The following FTH1 variants were observed in gnomAD, a reference collection of about 807,000 sequenced individuals.
FTH1 encodes ferritin heavy chain 1, also known as ferritin heavy chain.
Under a neutral mutation model 21.8 loss-of-function variants are expected in FTH1, and 3 were observed. That is an observed-to-expected ratio of 0.14 (90% CI 0.06 to 0.36). The LOEUF (loss-of-function observed/expected upper bound fraction) is 0.36, where lower values mean the gene tolerates loss of function less well. Ranked by LOEUF, FTH1 falls within the 10% of genes least tolerant of loss-of-function variation. FTH1 has a pLI of 1.00. For missense variants in FTH1, 147 were observed against 225.8 expected (o/e 0.65, Z 2.24); for synonymous variants, 83 against 90.1 (o/e 0.92, Z 0.45).
chr11:61,965,841 T>C (rs1192869693), intron 1 of FTH1, among the ~76,000 whole-genome samples: 1 of 152,182 alleles, frequency 6.6e-6, no homozygotes, highest in Non-Finnish European at 1.5e-5. Flanking sequence ...GTGTCAGAAT[T>C]CATTGTCTGA....
chr11:61,964,569 T>TA lies in FTH1; in HGVS notation c.*157dup, dbSNP rs1328211190. On this transcript the variant is annotated 3_prime_UTR_variant, in exon 4 of 4. Coordinates refer to ENST00000273550, the MANE Select transcript of FTH1 (RefSeq NM_002032.3). The stretch of plus-strand genomic sequence containing the variant: ...CAAGACCTCAAAGACAACACCTGGG[T>TA]ACCAAATTTCTTTATTTGAAGGAAT... The TA allele has an allele frequency of 2.4e-6, 2 of 845,628 alleles. No individual in the cohort carries two copies. The highest frequency in any genetic ancestry group is 3.8e-6 in the Non-Finnish European group (2 of 531,644). 52.4% of individuals were successfully genotyped at this position (845,628 alleles called of 1,614,324 possible). A position where few individuals can be genotyped will look rare whatever the true frequency, so the allele number is the denominator to read the frequency against.
rs201120647 is a variant in FTH1 at position 61,964,975 on chromosome 11, T to C, written c.387+12A>G. On this transcript the variant is annotated intron_variant, in intron 3 of 3. Transcript: ENST00000273550. ...ATTTCCTCCATTTATTTCCTGGGGT[T>C]CCAATACTCACATGGGGGTCATTTT... 428 of 1,614,136 alleles carry C rather than the reference T, an allele frequency of 2.7e-4. 3 individuals carry two copies. The East Asian group carries it at 9.0e-3, about 34-fold the overall frequency.
chr11:61,964,686 A>C lies in FTH1; in HGVS notation c.*41T>G. 6.3e-7 allele frequency: 1 copy of C among 1,590,840 alleles called. No individual in the cohort carries two copies. Among genetic ancestry groups the C allele is most frequent in the South Asian group, 1.1e-5 (1 of 90,842 alleles). On this transcript the variant is annotated 3_prime_UTR_variant, in exon 4 of 4. Transcript: ENST00000273550. Reference sequence around the variant, plus strand: ...ACATGCATGCACTGCCTTGGTGACCAGGGAAGTCACCCCACGGCTATGGGG... The same window carrying C: ...ACATGCATGCACTGCCTTGGTGACCCGGGAAGTCACCCCACGGCTATGGGG...
intron 1 of FTH1, among the ~76,000 whole-genome samples, chr11:61,966,631 T>C (rs996617270): frequency 6.6e-6 from 1 of 152,072 alleles, no homozygotes; most frequent in Non-Finnish European, 1.5e-5. Context: ...GGGGGTTCAA[T>C]TAGTAGGCCA....
Position 61,964,365 on chromosome 11 carries a change from T to A in FTH1, c.*362A>T, listed in dbSNP as rs1591319339. Reference sequence around the variant, plus strand: ...GGAAACATTTAACTCAGACTCTGGATTCAGAGTCGGGAACCCTTAGTTCTA... The same window carrying A: ...GGAAACATTTAACTCAGACTCTGGAATCAGAGTCGGGAACCCTTAGTTCTA... On this transcript the variant is annotated 3_prime_UTR_variant, in exon 4 of 4. Transcript: ENST00000273550. 1.3e-6 allele frequency: 1 copy of A among 792,532 alleles called. No individual in the cohort carries two copies. Among genetic ancestry groups the A allele is most frequent in the South Asian group, 1.8e-5 (1 of 54,402 alleles). The allele number at this position is 792,532 out of a possible 1,614,324, so 49.1% of individuals were successfully genotyped here.
intron 1 of FTH1, 135 bp from the exon 2 acceptor site, chr11:61,965,650 T>C: frequency 1.1e-6 from 1 of 903,360 alleles, no homozygotes; most frequent in Non-Finnish European, 1.8e-6. Context: ...AATCAGTGCC[T>C]AAGGAGACTG....
At position 61,967,507 on chromosome 11, in the gene FTH1, G is replaced by A. The variant is rs1321237501; in HGVS notation, c.-82C>T. ...CGGCGGGGGCCTTGGGGCAGTCCGA[G>A]GGTGCGGTGAAGAGGTGACGGAGGG... On this transcript the variant is annotated 5_prime_UTR_variant, in exon 1 of 4. Transcript: ENST00000273550. 1 of 969,070 alleles carries A rather than the reference G, an allele frequency of 1.0e-6. No individual in the cohort carries two copies. Among genetic ancestry groups the A allele is most frequent in the East Asian group, 2.6e-5 (1 of 37,898 alleles). 60.0% of individuals were successfully genotyped at this position (969,070 alleles called of 1,614,324 possible).
At position 61,966,517 on chromosome 11, in the gene FTH1, G is replaced by A. The variant is rs1243112591; in HGVS notation, c.114+795C>T. Among the ~76,000 whole-genome samples, 96 of 152,104 alleles carry A rather than the reference G, an allele frequency of 6.3e-4. 1 individual carries two copies. The highest frequency in any genetic ancestry group is 4.4e-5 in the Non-Finnish European group (3 of 68,028). On this transcript the variant is annotated intron_variant, in intron 1 of 3. Coordinates refer to ENST00000273550, the MANE Select transcript of FTH1 (RefSeq NM_002032.3). ...ACAATCACAAGGCAATTCTAAGGAA[G>A]ACTCCCACGACACTGCCTAAGACCA...
intron 3 of FTH1, 30 bp from the exon 4 acceptor site, chr11:61,964,921 G>A (rs373899527): frequency 1.2e-6 from 2 of 1,613,146 alleles, no homozygotes; most frequent in Non-Finnish European, 1.7e-6. Context: ...ACAGTTAGTG[G>A]GCAGCTTTCC....
chr11:61,965,099 T>C lies in FTH1; in HGVS notation c.275A>G (p.Asp92Gly). 1 of 1,605,506 alleles carries C rather than the reference T, an allele frequency of 6.2e-7. No homozygotes were observed. Among genetic ancestry groups the C allele is most frequent in the Non-Finnish European group, 8.5e-7 (1 of 1,179,988 alleles). ...TGCATTCAGCCCGCTCTCCCAGTCA[T>C]CACAGTCTGGTTTCTGAATGAGAAT... is the stretch of plus-strand genomic sequence containing the variant. ...FLQDIKKPDC[D>G]DWESGLNAME... Residue 92 changes from aspartate to glycine, a missense_variant, in exon 3 of 4, where the codon GAT (aspartate) becomes GGT (glycine). Physicochemically the swap from Asp to Gly is moderately conservative, Grantham distance 94. Coordinates refer to ENST00000273550, the MANE Select transcript of FTH1 (RefSeq NM_002032.3).
At chr11:61,967,272 C>T in intron 1 of FTH1, 40 bp downstream of exon 1, 1 of 1,376,842 alleles carries the variant, frequency 7.3e-7, no homozygotes, top group Non-Finnish European at 9.9e-7. Context: ...CCGGGAACCG[C>T]GCCCGGCCCC....
chr11:61,965,318 C>G (rs1591321197), intron 2 of FTH1, 51 bp downstream of exon 2: 1 of 1,610,968 alleles, frequency 6.2e-7, no homozygotes, highest in South Asian at 1.1e-5. Context: ...TTTCTGATAC[C>G]CGAACACTGC....
chr11:61,966,633 A>C (rs1436440824), intron 1 of FTH1, among the ~76,000 whole-genome samples: 1 of 152,220 alleles, frequency 6.6e-6, no homozygotes, highest in Non-Finnish European at 1.5e-5. Flanking sequence ...GGGTTCAATT[A>C]GTAGGCCAAA....
rs1173995134 is a variant in FTH1, at chr11:61,967,520, A to T, written c.-95T>A. On this transcript the variant is annotated 5_prime_UTR_variant, in exon 1 of 4. Transcript: ENST00000273550. The stretch of plus-strand genomic sequence containing the variant: ...GGGGCAGTCCGAGGGTGCGGTGAAG[A>T]GGTGACGGAGGGCTGGCTATGGGCG... 1.9e-5 allele frequency: 16 copies of T among 841,214 alleles called. No homozygotes were observed. The highest frequency in any genetic ancestry group is 3.1e-5 in the Non-Finnish European group (16 of 517,464). The allele number at this position is 841,214 out of a possible 1,614,324, so 52.1% of individuals were successfully genotyped here.
At chr11:61,966,916 C>A (rs1484049575) in intron 1 of FTH1, 1 of 161,096 alleles carries the variant, frequency 6.2e-6, no homozygotes, top group Non-Finnish European at 1.3e-5. Flanking sequence ...GAGCTGGATA[C>A]CTAAGCAAAA....
In FTH1 at chr11:61,967,561, G is replaced by GA. The variant is rs1942490073; in HGVS notation, c.-137dup. The GA allele has an allele frequency of 4.1e-6, 3 of 727,696 alleles. No homozygotes were observed. The highest frequency in any genetic ancestry group is 5.5e-5 in the East Asian group (2 of 36,510). The allele number at this position is 727,696 out of a possible 1,614,324, so 45.1% of individuals were successfully genotyped here. A position where few individuals can be genotyped will look rare whatever the true frequency, so the allele number is the denominator to read the frequency against. On this transcript the variant is annotated 5_prime_UTR_variant, in exon 1 of 4. Transcript: ENST00000273550. ...GCTATGGGCGGCCGGCCGGGGTGGGGAACGAGCGCCGGGTTCCGTCCAAGC... is the reference window on the plus strand; with the variant it reads ...GCTATGGGCGGCCGGCCGGGGTGGGGAAACGAGCGCCGGGTTCCGTCCAAGC...
chr11:61,965,306 G>T, intron 2 of FTH1, 63 bp downstream of exon 2: 1 of 1,609,124 alleles, frequency 6.2e-7, no homozygotes, highest in South Asian at 1.1e-5. Context: ...TAGTTTAAGT[G>T]ATTTCTGATA....
intron 1 of FTH1, among the ~76,000 whole-genome samples, chr11:61,965,777 T>C (rs1269721410): frequency 6.6e-6 from 1 of 152,202 alleles, no homozygotes; most frequent in Non-Finnish European, 1.5e-5. Context: ...TTATGGGCAT[T>C]GCCTGGGGCA....
rs1942386627 is a variant in FTH1, at chr11:61,964,442, A to C, written c.*285T>G. 1.6e-6 allele frequency: 1 copy of C among 613,108 alleles called. No homozygotes were observed. The highest frequency in any genetic ancestry group is 3.0e-5 in the Admixed American group (1 of 33,676). The allele number at this position is 613,108 out of a possible 1,614,324, so 38.0% of individuals were successfully genotyped here. A position where few individuals can be genotyped will look rare whatever the true frequency, so the allele number is the denominator to read the frequency against. On this transcript the variant is annotated 3_prime_UTR_variant, in exon 4 of 4. Coordinates refer to ENST00000273550, the MANE Select transcript of FTH1 (RefSeq NM_002032.3). ...GTATACTGCCCAAACTAATGAGTTT[A>C]ATAAATACAAATACTCGTTTCTTTT...
Sources: allele counts gnomAD v4.1 joint callset (sites outside exome capture counted in the v4.1 genomes callset), GRCh38; gene constraint gnomAD v4.1.1; transcripts MANE v1.5; gene names NCBI Gene and HGNC (gene_info 2026-07-23, HGNC 2026-07-21).